Variants in IMPA1 observed in about 807,000 individuals in gnomAD.
The protein encoded by IMPA1 is D-galactose 1-phosphate phosphatase.
In IMPA1, 21 loss-of-function variants were observed where a neutral mutation model predicts 34.9. The ratio of observed to expected loss-of-function variants is 0.60; its 90% CI spans 0.43 to 0.87. The LOEUF (loss-of-function observed/expected upper bound fraction) is 0.87. Among genes scored for constraint, IMPA1 ranks in the 40% least tolerant of loss-of-function variants. The pLI, the probability that IMPA1 is intolerant of heterozygous loss-of-function variation, is 0.00. For missense variants in IMPA1, 299 were observed against 336.4 expected (o/e 0.89, Z 0.87); for synonymous variants, 95 against 104.4 (o/e 0.91, Z 0.55).
intron 6 of IMPA1, among the ~76,000 whole-genome samples, chr8:81,672,140 A>G (rs1807005772): frequency 6.6e-6 from 1 of 152,248 alleles, no homozygotes; most frequent in South Asian, 2.1e-4. Context: ...GGAAAAAGGT[A>G]TAAAAGTCTA....
At chr8:81,674,764 T>C (rs1244168530) in intron 5 of IMPA1, 1 of 454,486 alleles carries the variant, frequency 2.2e-6, no homozygotes, top group Admixed American at 2.4e-5. Context: ...GTTGGTTTTT[T>C]ACAGTCCACA....
chr8:81,684,378 A>G (rs1225653519), intron 1 of IMPA1, among the ~76,000 whole-genome samples: 2 of 145,784 alleles, frequency 1.4e-5, no homozygotes, highest in Admixed American at 7.0e-5. Context: ...TTTAGATACT[A>G]TATATAGTAT....
At chr8:81,678,024 C>G (rs954173644) in intron 4 of IMPA1, among the ~76,000 whole-genome samples, 9 of 152,164 alleles carry the variant, frequency 5.9e-5, no homozygotes, top group Non-Finnish European at 1.5e-5. Flanking sequence ...AGTTGAGTTA[C>G]AATTCTACGA....
intron 5 of IMPA1, chr8:81,674,961 C>A: frequency 5.0e-6 from 2 of 402,006 alleles, no homozygotes; most frequent in South Asian, 1.9e-5. Flanking sequence ...GCTATTCTCA[C>A]TGCCTCTACT....
At chr8:81,673,320 G>A (rs1014700139) in intron 6 of IMPA1, among the ~76,000 whole-genome samples, 1 of 152,118 alleles carries the variant, frequency 6.6e-6, no homozygotes, top group Non-Finnish European at 1.5e-5. Context: ...GGCTGATTAC[G>A]GACTTAAAAG....
At chr8:81,673,985 A>C (rs753195422) in intron 5 of IMPA1, 36 bp from the exon 6 acceptor site, 16 of 1,254,326 alleles carry the variant, frequency 1.3e-5, no homozygotes, top group Non-Finnish European at 1.8e-5. Flanking sequence ...ACCAAACCTA[A>C]GTATGTTTCA....
At chr8:81,666,287 T>C (rs948092239) in intron 7 of IMPA1, among the ~76,000 whole-genome samples, 30 of 152,110 alleles carry the variant, frequency 2.0e-4, no homozygotes, top group Admixed American at 9.2e-4. Flanking sequence ...TCTTTATAAA[T>C]ACAAAAATAA....
intron 3 of IMPA1, 73 bp from the exon 4 acceptor site, chr8:81,679,303 A>T (rs931409879): frequency 1.3e-5 from 13 of 991,844 alleles, no homozygotes; most frequent in Admixed American, 1.2e-4. Context: ...ACATTTCCTT[A>T]GCTACACAGA....
intron 1 of IMPA1, chr8:81,685,909 GCC>G: frequency 6.5e-7 from 1 of 1,545,090 alleles, no homozygotes; most frequent in South Asian, 1.2e-5. Flanking sequence ...CCTGGGCGCT[GCC>G]CCATCACTTA....
intron 7 of IMPA1, among the ~76,000 whole-genome samples, chr8:81,667,020 C>G (rs1278635835): frequency 6.6e-6 from 1 of 150,406 alleles, no homozygotes; most frequent in Non-Finnish European, 1.5e-5. Flanking sequence ...CATCAAATAA[C>G]ACAGCTTCCA....
At position 81,670,962 on chromosome 8, in the gene IMPA1, C is replaced by A; in HGVS notation, c.543G>T (p.Lys181Asn). ...TVRMVLSNME[K>N]LFCIPVHGIR... ...ACCCATGAACAGGAATGCAAAAAAG[C>A]TTTTCCATATTAGAAAGAACCATTC... Residue 181 changes from lysine to asparagine, a missense_variant, in exon 7 of 9, where the codon AAG becomes AAT. Transcript: ENST00000256108. 1.3e-6 allele frequency: 2 copies of A among 1,530,572 alleles called. No homozygotes were observed. The highest frequency in any genetic ancestry group is 8.7e-7 in the Non-Finnish European group (1 of 1,146,356). The allele number at this position is 1,530,572 out of a possible 1,614,324, so 94.8% of individuals were successfully genotyped here. A position where few individuals can be genotyped will look rare whatever the true frequency, so the allele number is the denominator to read the frequency against.
At chr8:81,662,298 C>A (rs1806703017) in intron 7 of IMPA1, among the ~76,000 whole-genome samples, 1 of 152,094 alleles carries the variant, frequency 6.6e-6, no homozygotes, top group African/African-American at 2.4e-5. Context: ...ATGCAAATAC[C>A]AAGGTCTTTC....
In IMPA1 at chr8:81,681,486, C is replaced by A. The variant is rs204773; in HGVS notation, c.63+12G>T. ...TATAATTGATTATAATTGACAAAATCTTAGCTCATACCTCTCCAGCTTGTC... is the reference window on the plus strand; with the variant it reads ...TATAATTGATTATAATTGACAAAATATTAGCTCATACCTCTCCAGCTTGTC... On this transcript the variant is annotated intron_variant, in intron 2 of 8. Transcript: ENST00000256108. 1.3e-6 allele frequency: 2 copies of A among 1,482,200 alleles called. No individual in the cohort carries two copies. The allele number at this position is 1,482,200 out of a possible 1,614,324, so 91.8% of individuals were successfully genotyped here.
At chr8:81,663,857 G>A (rs900030342) in intron 7 of IMPA1, among the ~76,000 whole-genome samples, 18 of 152,036 alleles carry the variant, frequency 1.2e-4, no homozygotes, top group Admixed American at 1.2e-3. Context: ...GGCTAACATG[G>A]TGAAACCCCA....
intron 8 of IMPA1, 84 bp downstream of exon 8, chr8:81,660,432 T>C (rs769589470): frequency 1.6e-5 from 19 of 1,222,180 alleles, no homozygotes; most frequent in Non-Finnish European, 2.1e-5. Flanking sequence ...CAGTATAACA[T>C]ATATCAAAAA....
Position 81,659,216 on chromosome 8 carries a change from A to T in IMPA1, c.*135T>A, listed in dbSNP as rs1806594961. On this transcript the variant is annotated 3_prime_UTR_variant, in exon 9 of 9. Transcript: ENST00000256108. ...TTGCAAACCTAGACATAGTAAAATA[A>T]GAAACAAGTTCCAAATTTTTGACCT... The T allele has an allele frequency of 3.0e-6, 2 of 659,278 alleles. No individual in the cohort carries two copies. The highest frequency in any genetic ancestry group is 5.8e-5 in the Admixed American group (2 of 34,246). 40.8% of individuals were successfully genotyped at this position (659,278 alleles called of 1,614,324 possible).
rs1295795642 is a variant in IMPA1 at position 81,660,627 on chromosome 8, C to A, written c.607G>T (p.Val203Leu). ...TATGCATCTGCTCCGCCAGTTGCCA[C>A]AAGGCACATATTAACAGCTGCTGTT... ...VGTAAVNMCL[V>L]ATGGADAYYE... Residue 203 changes from valine (V) to leucine (L), a missense_variant, in exon 8 of 9, where the codon GTG becomes TTG. Val to Leu is a conservative substitution (Grantham distance 32). Coordinates refer to ENST00000256108, the MANE Select transcript of IMPA1 (RefSeq NM_005536.4). 6.2e-7 allele frequency: 1 copy of A among 1,612,854 alleles called. No homozygotes were observed. The highest frequency in any genetic ancestry group is 8.5e-7 in the Non-Finnish European group (1 of 1,178,958).
rs1450446922 is a variant in IMPA1 at position 81,673,825 on chromosome 8, T to C, written c.457+16A>G. 10 of 1,404,418 alleles carry C rather than the reference T, an allele frequency of 7.1e-6. No homozygotes were observed. The highest frequency in any genetic ancestry group is 1.7e-5 in the Admixed American group (1 of 59,474). 87.0% of individuals were successfully genotyped at this position (1,404,418 alleles called of 1,614,324 possible). A position where few individuals can be genotyped will look rare whatever the true frequency, so the allele number is the denominator to read the frequency against. ...CACACAATATGAATAGCATCAAAAA[T>C]TGGAATTAATCCTACCTTCTTGTTG... On this transcript the variant is annotated intron_variant, in intron 6 of 8. Transcript: ENST00000256108.
chr8:81,686,281 G>C lies in IMPA1; in HGVS notation c.-54C>G. The C allele has an allele frequency of 1.0e-6, 1 of 993,338 alleles. No homozygotes were observed. Among genetic ancestry groups the C allele is most frequent in the Non-Finnish European group, 1.2e-6 (1 of 833,536 alleles). 61.5% of individuals were successfully genotyped at this position (993,338 alleles called of 1,614,324 possible). A position where few individuals can be genotyped will look rare whatever the true frequency, so the allele number is the denominator to read the frequency against. ...AGTCGGAGGACGTCCGGCTAGCTCT[G>C]TGAACGGTGTTACCGCACTCGTCTC... On this transcript the variant is annotated 5_prime_UTR_variant, in exon 1 of 9. Transcript: ENST00000256108.
Sources: gnomAD v4.1 joint callset for allele counts (sites outside exome capture counted in the v4.1 genomes callset) on GRCh38, gnomAD v4.1.1 for gene constraint, MANE v1.5 for transcripts, NCBI Gene and HGNC (gene_info 2026-07-23, HGNC 2026-07-21) for gene names.